CDKAL1: variants seen among roughly 807,000 people sequenced by gnomAD.
CDKAL1 encodes threonylcarbamoyladenosine tRNA methylthiotransferase.
A neutral mutation model predicts 68.2 loss-of-function variants in CDKAL1; 32 were observed. That is an observed-to-expected ratio of 0.47 (90% CI 0.35 to 0.63). The LOEUF is 0.63. Ranked by LOEUF, CDKAL1 falls within the 30% of genes least tolerant of loss-of-function variation. The pLI is 0.00. For synonymous variants in CDKAL1, 234 were observed against 244.3 expected (o/e 0.96, Z 0.39); for missense variants, 606 against 696.7 (o/e 0.87, Z 1.47).
rs968377890 is a variant in CDKAL1, at chr6:20,921,197, G to A, written c.743-34222G>A. ...TGTAATCTCAGCACTTTGGGAGGCCGAGGTGGGCGGATCACGAGGTCAAGA... is the reference window on the plus strand; with the variant it reads ...TGTAATCTCAGCACTTTGGGAGGCCAAGGTGGGCGGATCACGAGGTCAAGA... On this transcript the variant is annotated intron_variant, in intron 9 of 15. Coordinates refer to ENST00000274695, the MANE Select transcript of CDKAL1 (RefSeq NM_017774.3). Among the ~76,000 whole-genome samples the A allele has an allele frequency of 9.2e-5, 14 of 152,272 alleles. No individual in the cohort carries two copies. The East Asian group carries it at 1.9e-3, about 21-fold the overall frequency.
At chr6:21,015,091 G>A (rs1022138291) in intron 11 of CDKAL1, among the ~76,000 whole-genome samples, 1 of 152,136 alleles carries the variant, frequency 6.6e-6, no homozygotes, top group Non-Finnish European at 1.5e-5. Context: ...ACAATCCCAG[G>A]TGTCTAGTAC....
At chr6:20,775,759 G>A (rs1380153726) in intron 7 of CDKAL1, among the ~76,000 whole-genome samples, 1 of 152,078 alleles carries the variant, frequency 6.6e-6, no homozygotes, top group Non-Finnish European at 1.5e-5. Flanking sequence ...GTAGTAAATA[G>A]TATTTATATT....
At chr6:20,937,960 A>G (rs1763799154) in intron 9 of CDKAL1, among the ~76,000 whole-genome samples, 2 of 151,804 alleles carry the variant, frequency 1.3e-5, no homozygotes, top group Admixed American at 6.6e-5. Context: ...GCATCCATGG[A>G]TGATCCTTGC....
chr6:20,775,951 C>T (rs538316610), intron 7 of CDKAL1, among the ~76,000 whole-genome samples: 1 of 151,764 alleles, frequency 6.6e-6, no homozygotes, highest in African/African-American at 2.4e-5. Flanking sequence ...TAACAAGTGA[C>T]TGTTACGTTA....
chr6:21,003,019 TAGAC>T (rs1342505108), intron 11 of CDKAL1, among the ~76,000 whole-genome samples: 1 of 151,360 alleles, frequency 6.6e-6, no homozygotes, highest in East Asian at 2.0e-4. Context: ...TGCATAGTTT[TAGAC>T]AGTTCATCAG....
At chr6:20,806,479 G>C (rs1356143412) in intron 8 of CDKAL1, among the ~76,000 whole-genome samples, 1 of 152,018 alleles carries the variant, frequency 6.6e-6, no homozygotes, top group East Asian at 1.9e-4. Flanking sequence ...TATTCCTTTT[G>C]GTATATATGC....
intron 12 of CDKAL1, among the ~76,000 whole-genome samples, chr6:21,106,361 A>G (rs1773842844): frequency 6.6e-6 from 1 of 152,244 alleles, no homozygotes; most frequent in Non-Finnish European, 1.5e-5. Context: ...TCTTCCTTCC[A>G]TAACTGCAAG....
At chr6:20,866,264 A>G (rs1366046414) in intron 9 of CDKAL1, among the ~76,000 whole-genome samples, 1 of 152,212 alleles carries the variant, frequency 6.6e-6, no homozygotes, top group Non-Finnish European at 1.5e-5. Flanking sequence ...CAAGCTGTAC[A>G]ACAGGACTGA....
chr6:21,038,012 G>A (rs1769688885), intron 11 of CDKAL1, among the ~76,000 whole-genome samples: 1 of 152,078 alleles, frequency 6.6e-6, no homozygotes, highest in African/African-American at 2.4e-5. Flanking sequence ...CTGGACCCTG[G>A]GAATATTGTA....
chr6:20,956,075 G>C (rs779004032), intron 10 of CDKAL1, among the ~76,000 whole-genome samples: 1 of 152,160 alleles, frequency 6.6e-6, no homozygotes, highest in Non-Finnish European at 1.5e-5. Context: ...TTGAATCAGA[G>C]GGACACAGAG....
intron 4 of CDKAL1, among the ~76,000 whole-genome samples, chr6:20,598,338 TA>T (rs1175343403): frequency 6.6e-6 from 1 of 152,264 alleles, no homozygotes; most frequent in African/African-American, 2.4e-5. Context: ...CTTTTGTTAA[TA>T]TTACATACCA....
chr6:20,551,780 C>CATT (rs1763841716), intron 4 of CDKAL1, among the ~76,000 whole-genome samples: 2 of 152,108 alleles, frequency 1.3e-5, no homozygotes, highest in Admixed American at 6.5e-5. Flanking sequence ...AATATGCTTT[C>CATT]AGAATTACTT....
At chr6:20,777,324 C>T (rs1182447733) in intron 7 of CDKAL1, among the ~76,000 whole-genome samples, 1 of 152,112 alleles carries the variant, frequency 6.6e-6, no homozygotes, top group African/African-American at 2.4e-5. Flanking sequence ...TATTAAAAAA[C>T]AACATAGGCC....
chr6:20,769,788 TC>T (rs1246054870), intron 7 of CDKAL1, among the ~76,000 whole-genome samples: 1 of 152,196 alleles, frequency 6.6e-6, no homozygotes, highest in African/African-American at 2.4e-5. Context: ...CTTACCATTT[TC>T]ATATACATTA....
intron 9 of CDKAL1, among the ~76,000 whole-genome samples, chr6:20,914,122 T>G (rs908550335): frequency 7.9e-5 from 12 of 151,980 alleles, no homozygotes; most frequent in Non-Finnish European, 1.3e-4. Context: ...ACCCCGTCTC[T>G]ACTAAAAATA....
At chr6:20,979,484 G>A (rs1419973988) in intron 10 of CDKAL1, among the ~76,000 whole-genome samples, 1 of 152,062 alleles carries the variant, frequency 6.6e-6, no homozygotes. Flanking sequence ...CTAGAGTGAG[G>A]ATAACATTTT....
chr6:20,578,799 C>T (rs1765020143), intron 4 of CDKAL1, among the ~76,000 whole-genome samples: 1 of 152,206 alleles, frequency 6.6e-6, no homozygotes, highest in African/African-American at 2.4e-5. Flanking sequence ...ACAAAAGAAA[C>T]TGTCTTGTGA....
chr6:20,928,240 TCA>T (rs1263678717), intron 9 of CDKAL1, among the ~76,000 whole-genome samples: 2 of 152,174 alleles, frequency 1.3e-5, no homozygotes, highest in Non-Finnish European at 2.9e-5. Context: ...GCTGGTAATA[TCA>T]GAGTCTCTTT....
At chr6:21,062,518 C>T (rs1030911915) in intron 11 of CDKAL1, among the ~76,000 whole-genome samples, 7 of 152,100 alleles carry the variant, frequency 4.6e-5, no homozygotes, top group Non-Finnish European at 8.8e-5. Flanking sequence ...GTTTATATCA[C>T]AATAAAAAGT....
Sources: gnomAD v4.1 joint callset for allele counts (sites outside exome capture counted in the v4.1 genomes callset) on GRCh38, gnomAD v4.1.1 for gene constraint, MANE v1.5 for transcripts, NCBI Gene and HGNC (gene_info 2026-07-23, HGNC 2026-07-21) for gene names.